Variants in RBPJ observed in about 807,000 individuals in gnomAD.
The protein encoded by RBPJ is recombination signal binding protein for immunoglobulin kappa J region.
In RBPJ, 9 loss-of-function variants were observed where a neutral mutation model predicts 67.8. That is an observed-to-expected ratio of 0.13 (90% CI 0.08 to 0.23). The LOEUF (loss-of-function observed/expected upper bound fraction) is 0.23. Ranked by LOEUF, RBPJ falls within the 10% of genes least tolerant of loss-of-function variation. RBPJ has a pLI of 1.00. For missense variants in RBPJ, 305 were observed against 595.6 expected, an observed-to-expected ratio of 0.51 and a Z score of 5.08; for synonymous variants, 198 against 203.3, an observed-to-expected ratio of 0.97 and a Z score of 0.22.
intron 1 of RBPJ, among the ~76,000 whole-genome samples, chr4:26,179,298 T>G (rs1716900439): frequency 6.6e-6 from 1 of 151,214 alleles, no homozygotes; most frequent in South Asian, 2.1e-4. Flanking sequence ...TACTGTGTTT[T>G]TTTTTTTTTT....
chr4:26,378,180 A>C (rs753565010), intron 1 of RBPJ, among the ~76,000 whole-genome samples: 3 of 151,996 alleles, frequency 2.0e-5, no homozygotes, highest in Admixed American at 6.6e-5. Flanking sequence ...CCTTATGTTT[A>C]GATTCTGGTT....
the RBPJ span, among the ~76,000 whole-genome samples, chr4:26,111,395 G>T: frequency 6.6e-6 from 1 of 152,148 alleles, no homozygotes; most frequent in South Asian, 2.1e-4. Context: ...CACCCTCATG[G>T]TGTACCCCAA....
upstream of RBPJ, among the ~76,000 whole-genome samples, chr4:26,314,679 A>T (rs776654517): frequency 2.6e-5 from 4 of 152,162 alleles, no homozygotes; most frequent in East Asian, 7.7e-4. Flanking sequence ...AGCTCCCTGA[A>T]GCCTCCCCAG....
chr4:26,236,493 G>A (rs920979334), intron 1 of RBPJ, among the ~76,000 whole-genome samples: 1 of 152,154 alleles, frequency 6.6e-6, no homozygotes, highest in South Asian at 2.1e-4. Context: ...GACTGGGGCT[G>A]GTGGAACCAC....
chr4:26,262,398 A>G (rs1445747275), intron 1 of RBPJ, among the ~76,000 whole-genome samples: 1 of 152,244 alleles, frequency 6.6e-6, no homozygotes, highest in Non-Finnish European at 1.5e-5. Context: ...TTTAAACGCC[A>G]GAATCTCTCC....
chr4:26,337,468 T>G (rs1724974317), intron 1 of RBPJ, among the ~76,000 whole-genome samples: 1 of 152,126 alleles, frequency 6.6e-6, no homozygotes, highest in Admixed American at 6.5e-5. Flanking sequence ...CTTCTGTAGC[T>G]CTGGCTATCC....
chr4:26,373,884 C>A (rs1400309811), intron 1 of RBPJ, among the ~76,000 whole-genome samples: 1 of 148,954 alleles, frequency 6.7e-6, no homozygotes, highest in Non-Finnish European at 1.5e-5. Context: ...TTTAGATTTC[C>A]TGAATTTTGT....
intron 1 of RBPJ, among the ~76,000 whole-genome samples, chr4:26,217,387 G>T (rs1025093151): frequency 2.0e-5 from 3 of 152,132 alleles, no homozygotes; most frequent in Non-Finnish European, 4.4e-5. Context: ...TTGAAGAGCA[G>T]CACCAGTGTC....
At chr4:26,357,338 T>C (rs1560290423) in intron 1 of RBPJ, among the ~76,000 whole-genome samples, 2 of 152,124 alleles carry the variant, frequency 1.3e-5, no homozygotes, top group African/African-American at 2.4e-5. Flanking sequence ...ACTCAAGTAG[T>C]GTTACAGAGT....
rs76516437 is a variant in RBPJ, at chr4:26,326,987, C to T, written c.20+5939C>T. The stretch of plus-strand genomic sequence containing the variant: ...TTGACCACGAATGTTGTCATTGAGT[C>T]ACCCCCAGCTTTTTGGGGTCTATTT... On this transcript the variant is annotated intron_variant, in intron 1 of 10. Transcript: ENST00000355476. Among the ~76,000 whole-genome samples, 561 of 152,274 alleles carry T rather than the reference C, an allele frequency of 3.7e-3. 3 individuals carry two copies. The highest frequency in any genetic ancestry group is 0.013 in the African/African-American group (536 of 41,552).
chr4:26,320,029 C>T (rs531075077), upstream of RBPJ: 9 of 697,254 alleles, frequency 1.3e-5, no homozygotes, highest in South Asian at 1.7e-4. Flanking sequence ...GTGCCAGGCC[C>T]TCGGGTGGCC....
chr4:26,215,576 C>T (rs1718697414), intron 1 of RBPJ, among the ~76,000 whole-genome samples: 1 of 152,138 alleles, frequency 6.6e-6, no homozygotes, highest in East Asian at 1.9e-4. Context: ...TTTAAATTCA[C>T]AACTACCTAT....
intron 1 of RBPJ, among the ~76,000 whole-genome samples, chr4:26,281,435 C>T (rs1187781592): frequency 1.3e-5 from 2 of 152,078 alleles, no homozygotes; most frequent in Admixed American, 6.5e-5. Flanking sequence ...CCCACCACCA[C>T]ACCCAGCTAA....
intron 1 of RBPJ, among the ~76,000 whole-genome samples, chr4:26,282,390 A>G (rs1195844008): frequency 6.6e-6 from 1 of 152,212 alleles, no homozygotes; most frequent in Non-Finnish European, 1.5e-5. Context: ...AAATTAAAAA[A>G]CAAAATTATC....
At chr4:26,131,439 C>T in the RBPJ span, among the ~76,000 whole-genome samples, 1 of 152,154 alleles carries the variant, frequency 6.6e-6, no homozygotes, top group Non-Finnish European at 1.5e-5. Context: ...CACACACAGA[C>T]ACACACACTC....
chr4:26,257,348 C>T lies in RBPJ; in HGVS notation c.-167+93734C>T, dbSNP rs562696629. Among the ~76,000 whole-genome samples, 214 of 152,252 alleles carry T rather than the reference C, an allele frequency of 1.4e-3. 1 individual carries two copies. The highest frequency in any genetic ancestry group is 4.4e-3 in the African/African-American group (182 of 41,566). ...AGAAACAGTCATAAACAGGTGGAGTCGCCGGGCACGGCGGCTCATGCCTGT... is the reference window on the plus strand; with the variant it reads ...AGAAACAGTCATAAACAGGTGGAGTTGCCGGGCACGGCGGCTCATGCCTGT... On this transcript the variant is annotated intron_variant, in intron 1 of 4. Coordinates refer to the RBPJ transcript ENST00000512351.
chr4:26,340,264 A>G (rs537770563), intron 1 of RBPJ, among the ~76,000 whole-genome samples: 1 of 152,358 alleles, frequency 6.6e-6, no homozygotes, highest in Admixed American at 6.5e-5. Context: ...GGAGGGAGGA[A>G]GAGATTCCTG....
At chr4:26,154,875 G>A in the RBPJ span, among the ~76,000 whole-genome samples, 2 of 152,182 alleles carry the variant, frequency 1.3e-5, no homozygotes, top group African/African-American at 4.8e-5. Context: ...TTATCACCCA[G>A]GGCATGGTGT....
chr4:26,358,020 C>CGT (rs4069724), intron 1 of RBPJ, among the ~76,000 whole-genome samples: 17,095 of 144,988 alleles, frequency 0.12, 1,038 homozygotes, highest in East Asian at 0.25. Flanking sequence ...AGGGGGTATT[C>CGT]GTGTGTGTGT....
Sources: allele counts gnomAD v4.1 joint callset (sites outside exome capture counted in the v4.1 genomes callset), GRCh38; gene constraint gnomAD v4.1.1; transcripts MANE v1.5; gene names NCBI Gene and HGNC (gene_info 2026-07-23, HGNC 2026-07-21).